PGAP3: variants seen among roughly 807,000 people sequenced by gnomAD.
The protein encoded by PGAP3 is GPI-specific phospholipase A2-like PGAP3.
Under a neutral mutation model 40.3 loss-of-function variants are expected in PGAP3, and 31 were observed. The ratio of observed to expected loss-of-function variants is 0.77; its 90% CI spans 0.58 to 1.04. PGAP3 has a LOEUF of 1.04. Ranked by LOEUF, PGAP3 falls within the 50% of genes least tolerant of loss-of-function variation. The probability of loss-of-function intolerance (pLI) is 0.00; values close to 1 mark genes in which losing one functional copy is unlikely to be tolerated. For synonymous variants in PGAP3, 191 were observed against 184.5 expected, an observed-to-expected ratio of 1.04 and a Z score of -0.29; for missense variants, 413 against 423.0, an observed-to-expected ratio of 0.98 and a Z score of 0.21.
At chr17:39,676,788 G>A (rs1301398375) in intron 3 of PGAP3, 1 of 152,356 alleles carries the variant, frequency 6.6e-6, no homozygotes, top group East Asian at 1.9e-4. Context: ...GTTGATAAGG[G>A]TTTAATGAGC....
rs869312813 is a variant in PGAP3, at chr17:39,673,089, C to T, written c.861G>A (p.Trp287Ter). The T allele has an allele frequency of 6.2e-7, 1 of 1,609,188 alleles. No homozygotes were observed. The highest frequency in any genetic ancestry group is 8.5e-7 in the Non-Finnish European group (1 of 1,178,164). The change falls in exon 7 of 8, where the codon TGG becomes TGA. Residue 287 changes from tryptophan to a stop codon, truncating the protein, a stop_gained. Transcript: ENST00000300658. LOFTEE classifies it high-confidence loss of function. ...CGTGGACAGGGATGGTGCTGATGTG[C>T]CAGATGGCATGGGCATCCAGGACCC... ...LFWVLDAHAIWHISTIPVHVL... is the reference protein window; with the variant it reads ...LFWVLDAHAI
Position 39,673,144 on chromosome 17 carries a change from A to C in PGAP3, c.806T>G (p.Leu269Arg), listed in dbSNP as rs2057329179. 6.2e-7 allele frequency: 1 copy of C among 1,601,418 alleles called. No homozygotes were observed. Among genetic ancestry groups the C allele is most frequent in the African/African-American group, 1.3e-5 (1 of 74,828 alleles). The change falls in exon 7 of 8, where the codon CTC becomes CGC. Residue 269 changes from leucine (L) to arginine (R), a missense_variant. By Grantham distance (102) the Leu-to-Arg change is moderately radical (BLOSUM62 -2). Coordinates refer to ENST00000300658, the MANE Select transcript of PGAP3 (RefSeq NM_033419.5). ...VVLLLQGLSL[L>R]ELLDFPPLFW... The stretch of plus-strand genomic sequence containing the variant: ...GAGCGGTGGGAAGTCAAGCAGCTCG[A>C]GCAGGGACAGCCCCTGCAGCAGCAA...
In PGAP3 at chr17:39,684,696, C is replaced by G. The variant is rs143327410; in HGVS notation, c.333G>C (p.Ser111=). 4.3e-6 allele frequency: 7 copies of G among 1,613,712 alleles called. No homozygotes were observed. The highest frequency in any genetic ancestry group is 5.9e-6 in the Non-Finnish European group (7 of 1,179,820). The change falls in exon 3 of 8, where the codon TCG becomes TCC. Residue 111 remains serine, a synonymous_variant. Transcript: ENST00000300658. ...CCAGGCTGGCCAGGCCATTGAGAAA[C>G]GAGGCCACGGCCGATGCCGGCTCTT... ...FFQEPASAVA[S]FLNGLASLVM...
chr17:39,676,812 C>CGT (rs1043036963), intron 3 of PGAP3: 4 of 152,392 alleles, frequency 2.6e-5, no homozygotes, highest in African/African-American at 9.6e-5. Flanking sequence ...ACAAATACAG[C>CGT]GTACAGCACA....
chr17:39,672,766 G>T lies in PGAP3; in HGVS notation c.*37C>A, dbSNP rs1295768927. On this transcript the variant is annotated 3_prime_UTR_variant, in exon 8 of 8. Coordinates refer to ENST00000300658, the MANE Select transcript of PGAP3 (RefSeq NM_033419.5). ...GAGAAGGGAGGCCAGCAGGGCGGGG[G>T]CAGGATCCCCACTGGGGCAGACTCG... The T allele has an allele frequency of 4.4e-6, 7 of 1,598,150 alleles. No individual in the cohort carries two copies. The highest frequency in any genetic ancestry group is 6.0e-6 in the Non-Finnish European group (7 of 1,165,994).
At chr17:39,686,260 TTTTG>T (rs755775886) in intron 1 of PGAP3, among the ~76,000 whole-genome samples, 5 of 152,188 alleles carry the variant, frequency 3.3e-5, no homozygotes, top group African/African-American at 7.2e-5. Flanking sequence ...TTCGTCTTTT[TTTTG>T]TTTGTTTTTT....
chr17:39,685,463 G>C (rs556215896), intron 2 of PGAP3, among the ~76,000 whole-genome samples: 324 of 151,154 alleles, frequency 2.1e-3, no homozygotes, highest in African/African-American at 7.6e-3. Flanking sequence ...CTGCACTCCA[G>C]CCTGGGCGAC....
At chr17:39,684,222 T>A (rs1271788630) in intron 3 of PGAP3, among the ~76,000 whole-genome samples, 1 of 151,522 alleles carries the variant, frequency 6.6e-6, no homozygotes, top group Admixed American at 6.6e-5. Flanking sequence ...GAATTGAGAT[T>A]GCTCCAAGTC....
At chr17:39,677,856 C>CGCTAAGCCCCAGT (rs2057393697) in intron 3 of PGAP3, among the ~76,000 whole-genome samples, 2 of 152,234 alleles carry the variant, frequency 1.3e-5, no homozygotes, top group African/African-American at 4.8e-5. Context: ...TTCGACCCGG[C>CGCTAAGCCCCAGT]GCTAAGCCCC....
At chr17:39,683,053 G>A (rs938583372) in intron 3 of PGAP3, among the ~76,000 whole-genome samples, 1 of 152,004 alleles carries the variant, frequency 6.6e-6, no homozygotes, top group Non-Finnish European at 1.5e-5. Context: ...TCCAGCTGGG[G>A]CAACAGAGTG....
intron 3 of PGAP3, among the ~76,000 whole-genome samples, chr17:39,677,424 G>A (rs1380241565): frequency 2.6e-5 from 4 of 152,156 alleles, no homozygotes; most frequent in Admixed American, 6.5e-5. Context: ...GCTATAGGAA[G>A]AGCCCCTCCT....
chr17:39,687,221 G>T (rs1197708651), intron 1 of PGAP3, among the ~76,000 whole-genome samples: 1 of 152,130 alleles, frequency 6.6e-6, no homozygotes, highest in Non-Finnish European at 1.5e-5. Context: ...CCTTGGGCAG[G>T]GCATTTAATC....
chr17:39,682,474 C>CT (rs769981467), intron 3 of PGAP3, among the ~76,000 whole-genome samples: 7 of 152,066 alleles, frequency 4.6e-5, no homozygotes, highest in Non-Finnish European at 8.8e-5. Flanking sequence ...GATGAACAAG[C>CT]TTAATACTTA....
chr17:39,683,171 A>G (rs1451426537), intron 3 of PGAP3, among the ~76,000 whole-genome samples: 1 of 152,108 alleles, frequency 6.6e-6, no homozygotes, highest in African/African-American at 2.4e-5. Flanking sequence ...GGCTGGCCCC[A>G]TCCACCACCC....
intron 3 of PGAP3, among the ~76,000 whole-genome samples, chr17:39,681,525 T>C (rs2057439959): frequency 6.6e-6 from 1 of 152,080 alleles, no homozygotes; most frequent in Non-Finnish European, 1.5e-5. Context: ...TTTTTTTTTC[T>C]GAGACGGAGT....
intron 2 of PGAP3, among the ~76,000 whole-genome samples, chr17:39,685,399 T>C (rs1482833267): frequency 6.7e-6 from 1 of 148,512 alleles, no homozygotes; most frequent in Non-Finnish European, 1.5e-5. Flanking sequence ...GGCTCAGGCA[T>C]GAGAATTGCT....
intron 3 of PGAP3, among the ~76,000 whole-genome samples, chr17:39,674,999 A>G (rs1396041108): frequency 6.6e-6 from 1 of 151,742 alleles, no homozygotes; most frequent in Non-Finnish European, 1.5e-5. Flanking sequence ...AACAGCCCCC[A>G]GGGGCCTTGC....
chr17:39,672,554 G>C lies in PGAP3; in HGVS notation c.*249C>G, dbSNP rs1229397937. 3 of 575,280 alleles carry C rather than the reference G, an allele frequency of 5.2e-6. No homozygotes were observed. The highest frequency in any genetic ancestry group is 9.3e-6 in the Non-Finnish European group (3 of 321,000). 35.6% of individuals were successfully genotyped at this position (575,280 alleles called of 1,614,324 possible). On this transcript the variant is annotated 3_prime_UTR_variant, in exon 8 of 8. Coordinates refer to ENST00000300658, the MANE Select transcript of PGAP3 (RefSeq NM_033419.5). ...TAAGAGCACACTCAGTTCCACCCCA[G>C]TTCAGCTCCAGGAGGTAGAGGGGCT...
In PGAP3 at chr17:39,686,077, A is replaced by G. The variant is rs2057508993; in HGVS notation, c.182-58T>C. The stretch of plus-strand genomic sequence containing the variant: ...CCAGCACAGAGAGGAAAGAGAGAGC[A>G]TGAATGGGGTCCAAGCGCAAATGTA... On this transcript the variant is annotated intron_variant, in intron 1 of 7. Coordinates refer to ENST00000300658, the MANE Select transcript of PGAP3 (RefSeq NM_033419.5). 3.4e-6 allele frequency: 5 copies of G among 1,491,956 alleles called. No individual in the cohort carries two copies. The South Asian group carries it at 5.8e-5, about 17-fold the overall frequency. 92.4% of individuals were successfully genotyped at this position (1,491,956 alleles called of 1,614,324 possible). A position where few individuals can be genotyped will look rare whatever the true frequency, so the allele number is the denominator to read the frequency against.
Sources: gnomAD v4.1 joint callset for allele counts (sites outside exome capture counted in the v4.1 genomes callset) on GRCh38, gnomAD v4.1.1 for gene constraint, MANE v1.5 for transcripts, NCBI Gene and HGNC (gene_info 2026-07-23, HGNC 2026-07-21) for gene names.